Variants in LNX1 observed in about 807,000 individuals in gnomAD.
The protein encoded by LNX1 is E3 ubiquitin-protein ligase LNX.
A neutral mutation model predicts 68.4 loss-of-function variants in LNX1; 54 were observed. The observed-to-expected ratio is 0.79, with a 90% CI of 0.63 to 0.99. The LOEUF (loss-of-function observed/expected upper bound fraction) is 0.99, where lower values mean the gene tolerates loss of function less well. Among genes scored for constraint, LNX1 ranks in the 50% least tolerant of loss-of-function variants. The pLI is 0.00. For missense variants in LNX1, 906 were observed against 926.4 expected, an observed-to-expected ratio of 0.98 and a Z score of 0.29; for synonymous variants, 336 against 350.0, an observed-to-expected ratio of 0.96 and a Z score of 0.45.
chr4:53,577,302 G>A (rs904489039), intron 1 of LNX1, among the ~76,000 whole-genome samples: 9 of 152,216 alleles, frequency 5.9e-5, no homozygotes, highest in African/African-American at 2.2e-4. Context: ...CTTCTCTGTA[G>A]TGTTCTGCCA....
At chr4:53,473,063 A>G (rs1723343254) in intron 9 of LNX1, among the ~76,000 whole-genome samples, 2 of 152,294 alleles carry the variant, frequency 1.3e-5, no homozygotes, top group Middle Eastern at 3.4e-3. Context: ...TCTTAAAACT[A>G]AATAAAGTTG....
intron 2 of LNX1, among the ~76,000 whole-genome samples, chr4:53,600,508 T>C (rs1221674742): frequency 6.6e-6 from 1 of 152,112 alleles, no homozygotes; most frequent in Non-Finnish European, 1.5e-5. Context: ...CATCCCTTTA[T>C]TTATCTTAAA....
chr4:53,579,266 G>A (rs1731681670), intron 1 of LNX1: 6 of 984,876 alleles, frequency 6.1e-6, no homozygotes, highest in African/African-American at 1.7e-5. Flanking sequence ...TGTATGATGG[G>A]TACGGTGGAA....
intron 2 of LNX1, among the ~76,000 whole-genome samples, chr4:53,512,605 C>A (rs529308637): frequency 6.6e-5 from 10 of 152,098 alleles, no homozygotes; most frequent in African/African-American, 2.4e-4. Context: ...AAAAATGAGA[C>A]TAATTTTTCA....
chr4:53,558,518 C>G (rs1190724436), intron 2 of LNX1, among the ~76,000 whole-genome samples: 7 of 152,180 alleles, frequency 4.6e-5, no homozygotes, highest in Non-Finnish European at 1.0e-4. Context: ...AAATATGAAC[C>G]AACCCCACCT....
chr4:53,573,019 G>A (rs957938714), intron 2 of LNX1, among the ~76,000 whole-genome samples: 6 of 152,162 alleles, frequency 3.9e-5, no homozygotes, highest in African/African-American at 1.4e-4. Context: ...AAGTGAAAAA[G>A]CAAGCAGTGC....
chr4:53,480,360 A>G (rs1723832058), intron 7 of LNX1, among the ~76,000 whole-genome samples: 1 of 152,210 alleles, frequency 6.6e-6, no homozygotes, highest in African/African-American at 2.4e-5. Context: ...CATGATGAGG[A>G]GGTGGAAGGA....
rs866164319 is a variant in LNX1 at position 53,481,788 on chromosome 4, G to A, written c.1417C>T (p.Gln473Ter). Residue 473 changes from glutamine to a stop codon, truncating the protein, a stop_gained, in exon 7 of 11, where the codon CAG becomes TAG. Coordinates refer to ENST00000263925, the MANE Select transcript of LNX1 (RefSeq NM_001126328.3). LOFTEE classifies it high-confidence loss of function. ...QVRQRSPDIF[Q>*]EAGWNSNGSW... ...CCATTGCTGTTCCAGCCGGCTTCCT[G>A]AAAGATGTCAGGGCTCCGCTGCCGA... 6.2e-7 allele frequency: 1 copy of A among 1,613,710 alleles called. No individual in the cohort carries two copies. Among genetic ancestry groups the A allele is most frequent in the Admixed American group, 1.7e-5 (1 of 59,946 alleles).
chr4:53,593,087 TC>T (rs1732588103), upstream of LNX1: 1 of 152,246 alleles, frequency 6.6e-6, no homozygotes, highest in Non-Finnish European at 1.5e-5. Flanking sequence ...GTGTGGCTAT[TC>T]CTTTATTATT....
At chr4:53,638,234 G>A (rs1475081390) in intron 1 of LNX1, among the ~76,000 whole-genome samples, 1 of 152,190 alleles carries the variant, frequency 6.6e-6, no homozygotes, top group Non-Finnish European at 1.5e-5. Context: ...AGTCATGAGA[G>A]ATGAATGGCT....
At chr4:53,535,444 C>T (rs943327945) in intron 2 of LNX1, among the ~76,000 whole-genome samples, 6 of 152,218 alleles carry the variant, frequency 3.9e-5, no homozygotes, top group Non-Finnish European at 7.3e-5. Flanking sequence ...ACTCTGCTTA[C>T]CTGCAAGGGT....
chr4:53,615,191 T>C (rs1733640802), intron 2 of LNX1, among the ~76,000 whole-genome samples: 1 of 152,184 alleles, frequency 6.6e-6, no homozygotes, highest in Non-Finnish European at 1.5e-5. Context: ...TGATAAATCA[T>C]GGAGAAGCAA....
At chr4:53,552,331 T>A (rs76403530) in intron 2 of LNX1, among the ~76,000 whole-genome samples, 14,270 of 152,134 alleles carry the variant, frequency 0.094, 729 homozygotes, top group Non-Finnish European at 0.12. Context: ...CAAGAGCAGG[T>A]CACACCATCA....
chr4:53,576,084 G>A (rs1318693670), intron 1 of LNX1: 5 of 1,553,170 alleles, frequency 3.2e-6, no homozygotes, highest in Non-Finnish European at 4.3e-6. Context: ...ACCTGGTCGG[G>A]GACTTGGCCA....
At chr4:53,582,138 C>A (rs1444103816) in intron 1 of LNX1, among the ~76,000 whole-genome samples, 2 of 152,168 alleles carry the variant, frequency 1.3e-5, no homozygotes, top group Non-Finnish European at 2.9e-5. Context: ...CTGCTACCAA[C>A]TACTTTTTTG....
At chr4:53,469,487 G>A (rs1476630520) in intron 9 of LNX1, among the ~76,000 whole-genome samples, 3 of 152,126 alleles carry the variant, frequency 2.0e-5, no homozygotes, top group Non-Finnish European at 2.9e-5. Flanking sequence ...AAATAACTAA[G>A]ATCAGAGCAG....
chr4:53,580,207 C>A (rs1487933732), intron 1 of LNX1, among the ~76,000 whole-genome samples: 1 of 152,174 alleles, frequency 6.6e-6, no homozygotes, highest in Non-Finnish European at 1.5e-5. Flanking sequence ...CTATACCTCA[C>A]CTGCCCTTTC....
intron 2 of LNX1, among the ~76,000 whole-genome samples, chr4:53,512,621 A>G (rs1281393891): frequency 6.6e-6 from 1 of 152,018 alleles, no homozygotes; most frequent in African/African-American, 2.4e-5. Flanking sequence ...TTTCAACTGT[A>G]TTTCTTTCAC....
intron 1 of LNX1, among the ~76,000 whole-genome samples, chr4:53,631,651 TA>T (rs1734277097): frequency 6.6e-6 from 1 of 152,158 alleles, no homozygotes; most frequent in Admixed American, 6.5e-5. Flanking sequence ...GACCACAACT[TA>T]AGACCATCGA....
Sources: allele counts gnomAD v4.1 joint callset (sites outside exome capture counted in the v4.1 genomes callset), GRCh38; gene constraint gnomAD v4.1.1; transcripts MANE v1.5; gene names NCBI Gene and HGNC (gene_info 2026-07-23, HGNC 2026-07-21).